CHM: variants seen among roughly 807,000 people sequenced by gnomAD.
CHM encodes rab proteins geranylgeranyltransferase component A 1.
CHM carries 10 observed loss-of-function variants against 49.0 expected under a neutral mutation model. The ratio of observed to expected loss-of-function variants is 0.20; its 90% confidence interval spans 0.13 to 0.35. CHM has a LOEUF of 0.35. Ranked by LOEUF, CHM falls within the 10% of genes least tolerant of loss-of-function variation. The pLI is 1.00. For synonymous variants in CHM, 184 were observed against 167.5 expected (o/e 1.10, Z -0.76); for missense variants, 455 against 478.4 (o/e 0.95, Z 0.46).
At chrX:86,008,397 T>C (rs1359864671) in intron 2 of CHM, among the ~76,000 whole-genome samples, 1 of 110,561 alleles carries the variant, frequency 9.0e-6, no homozygotes, top group Non-Finnish European at 1.9e-5. Context: ...CCCTAGAACT[T>C]AAAGTATAAT....
chrX:86,035,894 C>T (rs113086188), intron 1 of CHM, among the ~76,000 whole-genome samples: 4,222 of 104,484 alleles, frequency 0.04, 244 homozygotes, highest in African/African-American at 0.14. Context: ...CCCGGGTTCA[C>T]GCCATTCTTC....
Position 85,958,838 on chromosome X carries a change from A to G in CHM, c.819+23T>C, listed in dbSNP as rs752525573. 13 of 1,209,256 alleles carry G rather than the reference A, an allele frequency of 1.1e-5. No individual in the cohort carries two copies. In the Admixed American group the frequency reaches 2.8e-4, roughly 26 times the overall value. ...TAATAACTTAAGCTGATGCCCAGTT[A>G]CAATTCTTGATCAGCACAGTACCTG... On this transcript the variant is annotated intron_variant, in intron 6 of 14. Transcript: ENST00000357749.
chrX:85,947,270 T>C (rs929603398), intron 8 of CHM, among the ~76,000 whole-genome samples: 1 of 111,981 alleles, frequency 8.9e-6, no homozygotes, highest in East Asian at 2.8e-4. Flanking sequence ...TCATATTGAA[T>C]TGTAGTTCCC....
intron 2 of CHM, among the ~76,000 whole-genome samples, chrX:86,017,340 G>A (rs1933344797): frequency 1.8e-5 from 2 of 111,557 alleles, no homozygotes; most frequent in African/African-American, 6.5e-5. Context: ...GAATGATATG[G>A]TTTGGCTCTG....
rs1923403476 is a variant in CHM at position 85,862,398 on chromosome X, T to TGAGA, written c.*2231_*2232insTCTC. 1 of 112,722 alleles carries TGAGA rather than the reference T, an allele frequency of 8.9e-6. No homozygotes were observed. Among genetic ancestry groups the TGAGA allele is most frequent in the Non-Finnish European group, 1.9e-5 (1 of 53,331 alleles). The allele number at this position is 112,722 out of a possible 1,213,427, so 9.3% of individuals were successfully genotyped here. ...GCAATTGTATTCAGACTCAATCGTC[T>TGAGA]CATCTACTGGAACCTTTTATAATAT... On this transcript the variant is annotated 3_prime_UTR_variant, in exon 15 of 15. Transcript: ENST00000357749.
chrX:85,887,189 T>A (rs976560796), intron 12 of CHM, among the ~76,000 whole-genome samples: 8 of 110,417 alleles, frequency 7.2e-5, no homozygotes, highest in African/African-American at 2.6e-4. Context: ...TCAAATCTCA[T>A]CTTGAATTCT....
intron 11 of CHM, among the ~76,000 whole-genome samples, chrX:85,898,358 C>T (rs1262331122): frequency 3.6e-5 from 4 of 111,611 alleles, no homozygotes; most frequent in Non-Finnish European, 5.7e-5. Context: ...CATCCAAGGG[C>T]AACATTTTTG....
chrX:85,980,999 G>T (rs1033663578), intron 3 of CHM, among the ~76,000 whole-genome samples: 1 of 107,695 alleles, frequency 9.3e-6, no homozygotes, highest in Non-Finnish European at 1.9e-5. Flanking sequence ...AAATTGTTAG[G>T]TTTTTTCTTT....
chrX:85,919,353 ACCT>A (rs1927645438), intron 8 of CHM, among the ~76,000 whole-genome samples: 2 of 111,361 alleles, frequency 1.8e-5, no homozygotes, highest in Admixed American at 1.9e-4. Flanking sequence ...TTCTATAAAG[ACCT>A]CCTTTTATGA....
intron 8 of CHM, among the ~76,000 whole-genome samples, chrX:85,942,381 AAAT>A (rs1264727411): frequency 1.8e-5 from 2 of 109,929 alleles, no homozygotes; most frequent in Non-Finnish European, 3.8e-5. Flanking sequence ...GAGTTTAAAA[AAAT>A]AATAAAAATT....
intron 5 of CHM, 151 bp from the exon 6 acceptor site, chrX:85,959,128 C>T: frequency 1.3e-6 from 1 of 770,051 alleles, no homozygotes; most frequent in Non-Finnish European, 1.8e-6. Flanking sequence ...CTATTACAGG[C>T]TCAGAATTGA....
At chrX:85,936,324 C>T (rs1380258187) in intron 8 of CHM, among the ~76,000 whole-genome samples, 3 of 112,050 alleles carry the variant, frequency 2.7e-5, no homozygotes, top group Non-Finnish European at 5.6e-5. Context: ...AGTCATGCAA[C>T]TTTTATGTAA....
intron 1 of CHM, among the ~76,000 whole-genome samples, chrX:86,035,700 T>C (rs923037643): frequency 9.1e-6 from 1 of 110,259 alleles, no homozygotes; most frequent in Non-Finnish European, 1.9e-5. Context: ...GATAGAATGA[T>C]ACGATATTTA....
chrX:85,919,117 G>T (rs1381509226), intron 8 of CHM, among the ~76,000 whole-genome samples: 2 of 112,079 alleles, frequency 1.8e-5, no homozygotes, highest in African/African-American at 6.5e-5. Context: ...CAGAAAAAGA[G>T]CATTAGATAA....
At chrX:85,913,463 G>A (rs982009675) in intron 8 of CHM, among the ~76,000 whole-genome samples, 2 of 109,445 alleles carry the variant, frequency 1.8e-5, no homozygotes, top group African/African-American at 6.7e-5. Context: ...AGTCAAAGAA[G>A]ATGATGTGAA....
intron 2 of CHM, among the ~76,000 whole-genome samples, chrX:86,008,668 T>A (rs1039751911): frequency 9.0e-6 from 1 of 111,728 alleles, no homozygotes; most frequent in African/African-American, 3.2e-5. Context: ...AAAAATTTTC[T>A]AGTGGAGGGT....
chrX:85,886,877 T>G (rs1172801714), intron 12 of CHM, among the ~76,000 whole-genome samples: 3 of 108,406 alleles, frequency 2.8e-5, no homozygotes, highest in African/African-American at 1.0e-4. Context: ...AATATCAGTT[T>G]TATCTCAGTG....
intron 8 of CHM, among the ~76,000 whole-genome samples, chrX:85,912,572 C>T (rs191395645): frequency 1.4e-4 from 16 of 111,507 alleles, no homozygotes; most frequent in African/African-American, 3.9e-4. Context: ...ATGCACTCTC[C>T]CATTAAGATG....
chrX:85,959,960 A>G, intron 5 of CHM, among the ~76,000 whole-genome samples: 1 of 111,851 alleles, frequency 8.9e-6, no homozygotes. Flanking sequence ...TTCAAGTAAA[A>G]TTTTATAAAC....
Sources: gnomAD v4.1 joint callset for allele counts (sites outside exome capture counted in the v4.1 genomes callset) on GRCh38, gnomAD v4.1.1 for gene constraint, MANE v1.5 for transcripts, NCBI Gene and HGNC (gene_info 2026-07-23, HGNC 2026-07-21) for gene names.